Variants in ELL2 observed in about 807,000 individuals in gnomAD.
ELL2 encodes the protein elongation factor for RNA polymerase II 2.
In ELL2, 21 loss-of-function variants were observed where a neutral mutation model predicts 72.8. The ratio of observed to expected loss-of-function variants is 0.29; its 90% confidence interval spans 0.20 to 0.42. The LOEUF (loss-of-function observed/expected upper bound fraction) is 0.42. Ranked by LOEUF, ELL2 falls within the 10% of genes least tolerant of loss-of-function variation. ELL2 has a pLI of 1.00. For missense variants in ELL2, 568 were observed against 772.8 expected, an observed-to-expected ratio of 0.73 and a Z score of 3.14; for synonymous variants, 266 against 283.2, an observed-to-expected ratio of 0.94 and a Z score of 0.61.
intron 2 of ELL2, among the ~76,000 whole-genome samples, chr5:95,924,921 G>A (rs1053918950): frequency 2.6e-5 from 4 of 152,158 alleles, no homozygotes; most frequent in East Asian, 3.8e-4. Flanking sequence ...AGTCACGGAC[G>A]TCCTATTTAC....
intron 1 of ELL2, among the ~76,000 whole-genome samples, chr5:95,957,074 T>C (rs937819544): frequency 7.2e-5 from 11 of 152,192 alleles, no homozygotes; most frequent in African/African-American, 2.2e-4. Context: ...GTTTATGTAA[T>C]AGTCAGCAAA....
intron 2 of ELL2, among the ~76,000 whole-genome samples, chr5:95,936,830 G>A (rs1175889170): frequency 1.3e-5 from 2 of 152,120 alleles, no homozygotes; most frequent in African/African-American, 4.8e-5. Context: ...AAGTGATACT[G>A]CCTGCAACAT....
chr5:95,938,990 C>T (rs993945697), intron 2 of ELL2, among the ~76,000 whole-genome samples: 2 of 152,138 alleles, frequency 1.3e-5, no homozygotes, highest in African/African-American at 4.8e-5. Flanking sequence ...TACCACATGC[C>T]AGCAGATATG....
At position 95,938,463 on chromosome 5, in the gene ELL2, C is replaced by T. The variant is rs575655017; in HGVS notation, c.195+4539G>A. Among the ~76,000 whole-genome samples the T allele has an allele frequency of 3.3e-5, 5 of 152,314 alleles. No homozygotes were observed. In the East Asian group the frequency reaches 9.6e-4, roughly 29 times the overall value. On this transcript the variant is annotated intron_variant, in intron 2 of 11. Coordinates refer to ENST00000237853, the MANE Select transcript of ELL2 (RefSeq NM_012081.6). ...ATTAGGCCCGGTATGGTGCTTTAAA[C>T]CTGTAATCCCAGGTCTTTGGGAAGC...
intron 2 of ELL2, among the ~76,000 whole-genome samples, chr5:95,933,003 T>G (rs3777180): frequency 0.018 from 2,795 of 152,302 alleles, 72 homozygotes; most frequent in Admixed American, 0.07. Context: ...GGATGTTACT[T>G]TACGCTATCT....
At chr5:95,903,208 CTTTTTTTTTTTTTT>C (rs35628427) in intron 5 of ELL2, among the ~76,000 whole-genome samples, 5 of 56,216 alleles carry the variant, frequency 8.9e-5, no homozygotes, top group South Asian at 1.2e-3. Flanking sequence ...CTCTTAGGAC[CTTTTTTTTTTTTTT>C]TTTTTTTTTT....
chr5:95,953,629 A>G (rs6898371), intron 1 of ELL2, among the ~76,000 whole-genome samples: 50,492 of 152,082 alleles, frequency 0.33, 10,100 homozygotes, highest in African/African-American at 0.57. Context: ...AGCGCTCATA[A>G]TAGTCCATTA....
chr5:95,929,113 G>A (rs745519045), intron 2 of ELL2, among the ~76,000 whole-genome samples: 4 of 152,118 alleles, frequency 2.6e-5, no homozygotes, highest in African/African-American at 9.7e-5. Context: ...TTAGAAGCCC[G>A]CTTTCTGAGT....
At chr5:95,894,599 A>T (rs1748797829) in intron 9 of ELL2, among the ~76,000 whole-genome samples, 1 of 152,138 alleles carries the variant, frequency 6.6e-6, no homozygotes, top group South Asian at 2.1e-4. Context: ...CTCCTAGAGA[A>T]CTCTAAAACC....
Position 95,898,700 on chromosome 5 carries a change from G to T in ELL2, c.1065C>A (p.Thr355=), listed in dbSNP as rs778929169. 1.9e-6 allele frequency: 3 copies of T among 1,612,426 alleles called. No individual in the cohort carries two copies. Among genetic ancestry groups the T allele is most frequent in the Non-Finnish European group, 2.5e-6 (3 of 1,179,152 alleles). Reference sequence around the variant, plus strand: ...GGAGGCCTGCAGCAGATTTTTCACTGGTGGGATTCAAATGACCATTTAGTG... The same window carrying T: ...GGAGGCCTGCAGCAGATTTTTCACTTGTGGGATTCAAATGACCATTTAGTG... ...PPTLNGHLNP[T]SEKSAAGLPL... is the part of the protein sequence containing the mutation. Residue 355 remains threonine (T), a synonymous_variant, in exon 8 of 12, where the codon ACC becomes ACA. Transcript: ENST00000237853.
chr5:95,911,714 A>G (rs897358483), intron 4 of ELL2, among the ~76,000 whole-genome samples: 8 of 152,224 alleles, frequency 5.3e-5, no homozygotes, highest in African/African-American at 1.9e-4. Context: ...GGCAGTCCAG[A>G]GGAGAGCAAT....
At chr5:95,917,483 A>C (rs1749858339) in intron 3 of ELL2, among the ~76,000 whole-genome samples, 1 of 152,200 alleles carries the variant, frequency 6.6e-6, no homozygotes, top group Non-Finnish European at 1.5e-5. Flanking sequence ...CAGAGAGAAA[A>C]GATCCATAAG....
intron 4 of ELL2, among the ~76,000 whole-genome samples, chr5:95,909,177 G>T (rs556862139): frequency 3.5e-4 from 54 of 152,244 alleles, no homozygotes; most frequent in African/African-American, 1.2e-3. Flanking sequence ...ATGATGTTTG[G>T]CAAGAAAGTA....
intron 8 of ELL2, 142 bp from the exon 9 acceptor site, chr5:95,895,833 G>A: frequency 1.4e-6 from 1 of 725,020 alleles, no homozygotes; most frequent in Non-Finnish European, 2.4e-6. Flanking sequence ...CAGTGAGCAA[G>A]GAATACAATT....
intron 1 of ELL2, 82 bp downstream of exon 1, chr5:95,961,493 C>A: frequency 1.5e-6 from 2 of 1,354,024 alleles, no homozygotes; most frequent in South Asian, 3.7e-5. Context: ...CACGGCTCCG[C>A]CGGCCCCGCA....
chr5:95,892,630 G>A (rs1748709195), intron 9 of ELL2, among the ~76,000 whole-genome samples: 1 of 152,080 alleles, frequency 6.6e-6, no homozygotes, highest in African/African-American at 2.4e-5. Context: ...TGCCCCTTGG[G>A]GGTACACATA....
chr5:95,921,456 G>A (rs943992523), intron 2 of ELL2, among the ~76,000 whole-genome samples: 7 of 152,080 alleles, frequency 4.6e-5, no homozygotes, highest in Admixed American at 2.6e-4. Flanking sequence ...GGGCCCTAAC[G>A]TTACTCTTTA....
intron 2 of ELL2, among the ~76,000 whole-genome samples, chr5:95,919,791 T>C (rs1209313620): frequency 6.6e-6 from 1 of 152,228 alleles, no homozygotes; most frequent in Non-Finnish European, 1.5e-5. Context: ...CTCAATAGTT[T>C]CTATTAGTTT....
At chr5:95,921,654 C>A (rs192816546) in intron 2 of ELL2, among the ~76,000 whole-genome samples, 1 of 152,192 alleles carries the variant, frequency 6.6e-6, no homozygotes, top group African/African-American at 2.4e-5. Context: ...GGAATGCTTG[C>A]GTCAGGCACA....
Sources: gnomAD v4.1 joint callset for allele counts (sites outside exome capture counted in the v4.1 genomes callset) on GRCh38, gnomAD v4.1.1 for gene constraint, MANE v1.5 for transcripts, NCBI Gene and HGNC (gene_info 2026-07-23, HGNC 2026-07-21) for gene names.